WASF2: variants seen among roughly 807,000 people sequenced by gnomAD.
The protein encoded by WASF2 is WASP family member 2.
A neutral mutation model predicts 45.0 loss-of-function variants in WASF2; 14 were observed. That is an observed-to-expected ratio of 0.31 (90% CI 0.21 to 0.49). The LOEUF is 0.49. Among genes scored for constraint, WASF2 ranks in the 20% least tolerant of loss-of-function variants. WASF2 has a pLI of 0.99. For missense variants in WASF2, 439 were observed against 636.1 expected (o/e 0.69, Z 3.33); for synonymous variants, 200 against 236.3 (o/e 0.85, Z 1.41).
Position 27,419,036 on chromosome 1 carries a change from A to C in WASF2, c.183T>G (p.Phe61Leu). The C allele has an allele frequency of 6.2e-7, 1 of 1,614,144 alleles. No individual in the cohort carries two copies. Among genetic ancestry groups the C allele is most frequent in the Non-Finnish European group, 8.5e-7 (1 of 1,180,020 alleles). Residue 61 changes from phenylalanine to leucine, a missense_variant, in exon 3 of 9, where the codon TTT becomes TTG. By Grantham distance (22) the Phe-to-Leu change is conservative. Around this residue, in one of 5 missense-constraint regions of WASF2, gnomAD observed 98 missense variants for 120.7 expected, o/e 0.81. Transcript: ENST00000618852. ...FGELFTQANT[F>L]ASRVSSLAER... ...CAGCAAGGGAGCTTACCCGAGAGGCAAAGGTATTTGCCTGAGTAAAGAGCT... is the reference window on the plus strand; with the variant it reads ...CAGCAAGGGAGCTTACCCGAGAGGCCAAGGTATTTGCCTGAGTAAAGAGCT...
At chr1:27,426,366 T>C (rs1179389084) in intron 2 of WASF2, among the ~76,000 whole-genome samples, 1 of 152,054 alleles carries the variant, frequency 6.6e-6, no homozygotes, top group Non-Finnish European at 1.5e-5. Context: ...TGGGTAATAG[T>C]TTAGGTGAAA....
chr1:27,458,244 C>T (rs1165299760), intron 1 of WASF2, among the ~76,000 whole-genome samples: 2 of 127,710 alleles, frequency 1.6e-5, no homozygotes, highest in African/African-American at 2.9e-5. Flanking sequence ...ACTCGGGCGG[C>T]GGAGGTTGCA....
At chr1:27,454,556 T>G (rs1396991366) in intron 1 of WASF2, among the ~76,000 whole-genome samples, 7 of 152,084 alleles carry the variant, frequency 4.6e-5, no homozygotes. Flanking sequence ...CAGGGTGGTC[T>G]CGAACTACTG....
chr1:27,417,007 T>C (rs1411952249), intron 4 of WASF2, among the ~76,000 whole-genome samples: 1 of 152,174 alleles, frequency 6.6e-6, no homozygotes, highest in African/African-American at 2.4e-5. Context: ...CAGAAAGCAC[T>C]TCCAAATCAA....
chr1:27,487,716 T>C (rs1197374770), intron 1 of WASF2, among the ~76,000 whole-genome samples: 3 of 120,302 alleles, frequency 2.5e-5, no homozygotes, highest in Non-Finnish European at 4.8e-5. Context: ...ATATATAATG[T>C]ATATCATTAT....
chr1:27,441,399 G>A (rs2017226429), intron 1 of WASF2, among the ~76,000 whole-genome samples: 1 of 151,268 alleles, frequency 6.6e-6, no homozygotes, highest in Non-Finnish European at 1.5e-5. Flanking sequence ...AGGCCGAGGT[G>A]GGTGGATCAC....
At position 27,448,099 on chromosome 1, in the gene WASF2, C is replaced by T. The variant is rs573238663; in HGVS notation, c.-43-19166G>A. 3.9e-5 allele frequency among the ~76,000 whole-genome samples: 6 copies of T among 152,336 alleles called. No homozygotes were observed. In the East Asian group the frequency reaches 1.2e-3, roughly 29 times the overall value. On this transcript the variant is annotated intron_variant, in intron 1 of 8. Coordinates refer to ENST00000618852, the MANE Select transcript of WASF2 (RefSeq NM_006990.5). ...GTATTTATATGGGCTCTCCCTCTGA[C>T]CTCTTGGCAGCAAATGTAAGAAAGT...
intron 1 of WASF2, among the ~76,000 whole-genome samples, chr1:27,472,183 T>G (rs2017697979): frequency 6.6e-6 from 1 of 151,850 alleles, no homozygotes; most frequent in Non-Finnish European, 1.5e-5. Flanking sequence ...ATAAAAAAAT[T>G]AGCCGGGCAT....
At chr1:27,481,281 G>A (rs1391071207) in intron 1 of WASF2, among the ~76,000 whole-genome samples, 1 of 152,034 alleles carries the variant, frequency 6.6e-6, no homozygotes, top group Non-Finnish European at 1.5e-5. Flanking sequence ...TCCAGCCTGG[G>A]CGACAGAGGG....
At chr1:27,463,806 T>A (rs1023889517) in intron 1 of WASF2, among the ~76,000 whole-genome samples, 79 of 137,774 alleles carry the variant, frequency 5.7e-4, no homozygotes, top group African/African-American at 1.0e-3. Context: ...TTATTATTAT[T>A]TTTTTTTTTT....
rs917583256 is a variant in WASF2 at position 27,405,143 on chromosome 1, T to C, written c.*3046A>G. The C allele has an allele frequency of 2.0e-5, 3 of 152,268 alleles. No individual in the cohort carries two copies. Among genetic ancestry groups the C allele is most frequent in the African/African-American group, 7.2e-5 (3 of 41,442 alleles). The allele number at this position is 152,268 out of a possible 1,614,324, so 9.4% of individuals were successfully genotyped here. A position where few individuals can be genotyped will look rare whatever the true frequency, so the allele number is the denominator to read the frequency against. ...GGCGCCACGGGAAGAGATTTCACAT[T>C]AGCCGTGACAACACCGCCTCGGCTC... is the stretch of plus-strand genomic sequence containing the variant. On this transcript the variant is annotated 3_prime_UTR_variant, in exon 9 of 9. Coordinates refer to ENST00000618852, the MANE Select transcript of WASF2 (RefSeq NM_006990.5).
intron 1 of WASF2, among the ~76,000 whole-genome samples, chr1:27,431,724 GC>G (rs1186379200): frequency 1.3e-5 from 2 of 152,150 alleles, no homozygotes; most frequent in Non-Finnish European, 2.9e-5. Context: ...AGGGTGGGGG[GC>G]AAATTCTAAC....
Position 27,412,687 on chromosome 1 carries a change from A to T in WASF2, c.709T>A (p.Cys237Ser). 6.2e-7 allele frequency: 1 copy of T among 1,614,240 alleles called. No homozygotes were observed. Among genetic ancestry groups the T allele is most frequent in the Non-Finnish European group, 8.5e-7 (1 of 1,180,038 alleles). The change falls in exon 7 of 9, where the codon TGT (cysteine) becomes AGT (serine). Residue 237 changes from cysteine to serine, a missense_variant. Physicochemically the swap from Cys to Ser is moderately radical, Grantham distance 112. Transcript: ENST00000618852. ...TLVYQNGSIGCVENVDASSYP... is the reference protein window; with the variant it reads ...TLVYQNGSIGSVENVDASSYP... Reference sequence around the variant, plus strand: ...CTACTTGCATCCACGTTTTCAACACAGCCAATGCTGCCATTCTGGTACACC... The same window carrying T: ...CTACTTGCATCCACGTTTTCAACACTGCCAATGCTGCCATTCTGGTACACC...
intron 1 of WASF2, among the ~76,000 whole-genome samples, chr1:27,450,105 T>C (rs1482457490): frequency 6.6e-6 from 1 of 151,550 alleles, no homozygotes; most frequent in African/African-American, 2.4e-5. Context: ...GATCACGCCA[T>C]TGCACTCCAG....
chr1:27,459,629 T>C (rs1200961238), intron 1 of WASF2: 1 of 152,068 alleles, frequency 6.6e-6, no homozygotes, highest in African/African-American at 2.4e-5. Context: ...TAAAAGTACA[T>C]CTCATAATTT....
In WASF2 at chr1:27,418,375, T is replaced by C. The variant is rs547046909; in HGVS notation, c.313A>G (p.Ile105Val). 27 of 1,614,250 alleles carry C rather than the reference T, an allele frequency of 1.7e-5. No individual in the cohort carries two copies. Among genetic ancestry groups the C allele is most frequent in the South Asian group, 1.6e-4 (15 of 91,084 alleles). The stretch of plus-strand genomic sequence containing the variant: ...CTGTCAAAAAGCTTCTGGTCTTGAA[T>C]GGTGGAACTTCTGAAGGCTTTTCGG... ...NTRKAFRSST[I>V]QDQKLFDRNS... is the part of the protein sequence containing the mutation. Residue 105 changes from isoleucine (I) to valine (V), a missense_variant, in exon 4 of 9, where the codon ATT (isoleucine) becomes GTT (valine). Physicochemically the swap from Ile to Val is conservative, Grantham distance 29. Coordinates refer to ENST00000618852, the MANE Select transcript of WASF2 (RefSeq NM_006990.5).
At chr1:27,443,100 C>G (rs1479089126) in intron 1 of WASF2, among the ~76,000 whole-genome samples, 1 of 150,594 alleles carries the variant, frequency 6.6e-6, no homozygotes, top group Non-Finnish European at 1.5e-5. Flanking sequence ...GGAAGTCGAG[C>G]CTGCAGTAGG....
chr1:27,474,598 C>G (rs1484793987), intron 1 of WASF2, among the ~76,000 whole-genome samples: 2 of 151,808 alleles, frequency 1.3e-5, no homozygotes, highest in East Asian at 3.9e-4. Context: ...GATGAAACCC[C>G]GCCTCTACTA....
intron 2 of WASF2, among the ~76,000 whole-genome samples, chr1:27,425,654 C>G (rs753421940): frequency 6.6e-6 from 1 of 151,958 alleles, no homozygotes; most frequent in East Asian, 1.9e-4. Flanking sequence ...CTGGCTAACA[C>G]GGTGAAATCC....
Sources: allele counts gnomAD v4.1 joint callset (sites outside exome capture counted in the v4.1 genomes callset), GRCh38; gene constraint gnomAD v4.1.1; regional missense constraint gnomAD v4.1.1; transcripts MANE v1.5; gene names NCBI Gene and HGNC (gene_info 2026-07-23, HGNC 2026-07-21).